Variants in ZNF618 observed in about 807,000 individuals in gnomAD.
ZNF618 encodes the protein zinc finger protein 618.
In ZNF618, 34 loss-of-function variants were observed where a neutral mutation model predicts 103.0. The observed-to-expected ratio is 0.33, with a 90% confidence interval of 0.25 to 0.44. The LOEUF (loss-of-function observed/expected upper bound fraction) is 0.44, where lower values mean the gene tolerates loss of function less well. Ranked by LOEUF, ZNF618 falls within the 20% of genes least tolerant of loss-of-function variation. The probability of loss-of-function intolerance (pLI) is 1.00; values close to 1 mark genes in which losing one functional copy is unlikely to be tolerated. For synonymous variants in ZNF618, 551 were observed against 542.2 expected (o/e 1.02, Z -0.23); for missense variants, 1,059 against 1,295.4 (o/e 0.82, Z 2.80).
Position 114,049,626 on chromosome 9 carries a change from C to T in ZNF618, c.2324C>T (p.Ala775Val), listed in dbSNP as rs1845971725. Residue 775 changes from alanine to valine, a missense_variant, in exon 15 of 15, where the codon GCC becomes GTC. By Grantham distance (64) the Ala-to-Val change is moderately conservative. Around this residue, in one of 6 missense-constraint regions of ZNF618, gnomAD observed 272 missense variants for 380.1 expected, o/e 0.72. Transcript: ENST00000374126. Reference sequence around the variant, plus strand: ...CTGGAGAAGCTGTTCACGGCCAAGGCCAACGACGCAGGCACTGTCAGCAAG... The same window carrying T: ...CTGGAGAAGCTGTTCACGGCCAAGGTCAACGACGCAGGCACTGTCAGCAAG... Reference protein sequence around the residue: ...VRLEKLFTAKANDAGTVSKLC... With the variant: ...VRLEKLFTAKVNDAGTVSKLC... 6.2e-6 allele frequency: 10 copies of T among 1,613,860 alleles called. No homozygotes were observed. The highest frequency in any genetic ancestry group is 8.5e-6 in the Non-Finnish European group (10 of 1,179,906).
intron 1 of ZNF618, among the ~76,000 whole-genome samples, chr9:113,916,458 C>G (rs1832089173): frequency 6.6e-6 from 1 of 152,144 alleles, no homozygotes; most frequent in South Asian, 2.1e-4. Flanking sequence ...ATAAGCTTCT[C>G]TTGCAGTTAG....
At chr9:113,928,312 T>C (rs1356294316) in intron 1 of ZNF618, among the ~76,000 whole-genome samples, 1 of 152,222 alleles carries the variant, frequency 6.6e-6, no homozygotes, top group Non-Finnish European at 1.5e-5. Flanking sequence ...CCATCTGTTT[T>C]TGGATGTTGT....
chr9:113,985,144 C>A (rs1839345895), intron 2 of ZNF618, among the ~76,000 whole-genome samples: 1 of 152,218 alleles, frequency 6.6e-6, no homozygotes, highest in South Asian at 2.1e-4. Context: ...GGGGTAGGTA[C>A]CGTGTTTGTC....
intron 1 of ZNF618, among the ~76,000 whole-genome samples, chr9:113,925,062 AT>A (rs1832967320): frequency 6.6e-6 from 1 of 151,998 alleles, no homozygotes; most frequent in South Asian, 2.1e-4. Context: ...ATGTTGTTTA[AT>A]TTAACTAGAT....
In ZNF618 at chr9:113,934,790, G is replaced by A. The variant is rs115533313; in HGVS notation, c.34-34327G>A. On this transcript the variant is annotated intron_variant, in intron 1 of 14. Transcript: ENST00000374126. Reference sequence around the variant, plus strand: ...GAACTCTGTGTGACTCGAGGCAGACGTGTGGAGTCAGGGAAGGCCTTGGGC... The same window carrying A: ...GAACTCTGTGTGACTCGAGGCAGACATGTGGAGTCAGGGAAGGCCTTGGGC... Among the ~76,000 whole-genome samples, 487 of 152,358 alleles carry A rather than the reference G, an allele frequency of 3.2e-3. 2 individuals carry two copies. The highest frequency in any genetic ancestry group is 5.8e-3 in the Non-Finnish European group (394 of 68,028).
intron 11 of ZNF618, among the ~76,000 whole-genome samples, chr9:114,029,391 G>T (rs1450720136): frequency 6.6e-6 from 1 of 152,128 alleles, no homozygotes; most frequent in Non-Finnish European, 1.5e-5. Context: ...TGGCAGTCCT[G>T]GACCCACTTT....
At chr9:114,018,464 C>T (rs984407469) in intron 10 of ZNF618, among the ~76,000 whole-genome samples, 1 of 152,250 alleles carries the variant, frequency 6.6e-6, no homozygotes, top group Admixed American at 6.5e-5. Flanking sequence ...GCTACAAGGC[C>T]AGACTATAAC....
intron 1 of ZNF618, among the ~76,000 whole-genome samples, chr9:113,953,014 A>C (rs146369069): frequency 6.6e-6 from 1 of 152,236 alleles, no homozygotes; most frequent in Admixed American, 6.5e-5. Flanking sequence ...ATCTTAATAC[A>C]TACTAGCAGT....
intron 4 of ZNF618, among the ~76,000 whole-genome samples, chr9:113,999,935 G>A (rs1411026070): frequency 2.0e-5 from 3 of 152,182 alleles, no homozygotes; most frequent in Non-Finnish European, 4.4e-5. Flanking sequence ...GAAGAGAGTT[G>A]GAGGCATTAT....
intron 11 of ZNF618, among the ~76,000 whole-genome samples, chr9:114,031,039 C>T (rs975646551): frequency 6.6e-6 from 1 of 152,144 alleles, no homozygotes; most frequent in Non-Finnish European, 1.5e-5. Context: ...CTGATTCTGC[C>T]GTCTTGGAGG....
chr9:113,943,854 C>G (rs1249005613), intron 1 of ZNF618, among the ~76,000 whole-genome samples: 1 of 152,134 alleles, frequency 6.6e-6, no homozygotes, highest in African/African-American at 2.4e-5. Flanking sequence ...GCTTGGACTT[C>G]AGTGTTGAAA....
chr9:113,932,459 G>C (rs1246644738), intron 1 of ZNF618, among the ~76,000 whole-genome samples: 1 of 152,144 alleles, frequency 6.6e-6, no homozygotes, highest in Non-Finnish European at 1.5e-5. Context: ...CATTTTAAGA[G>C]GATCCCCTGG....
intron 1 of ZNF618, among the ~76,000 whole-genome samples, chr9:113,947,648 C>G (rs1422129633): frequency 6.6e-6 from 1 of 152,136 alleles, no homozygotes; most frequent in South Asian, 2.1e-4. Flanking sequence ...CAGAGTCAGG[C>G]CTTCGGGAGA....
intron 1 of ZNF618, among the ~76,000 whole-genome samples, chr9:113,880,705 C>A (rs938135509): frequency 1.3e-5 from 2 of 152,128 alleles, no homozygotes; most frequent in Non-Finnish European, 2.9e-5. Context: ...CAGAGGCATA[C>A]CACAGGGTAC....
intron 1 of ZNF618, among the ~76,000 whole-genome samples, chr9:113,951,471 G>GTATA (rs371458305): frequency 3.3e-4 from 9 of 27,156 alleles, no homozygotes; most frequent in Admixed American, 9.6e-4. Flanking sequence ...ATATATGTGT[G>GTATA]TATGTGTACA....
chr9:114,015,109 C>T (rs534577477), intron 9 of ZNF618, among the ~76,000 whole-genome samples: 6 of 151,518 alleles, frequency 4.0e-5, no homozygotes, highest in Admixed American at 2.0e-4. Context: ...TGAATCCTAC[C>T]GAGAGCAAGT....
In ZNF618 at chr9:113,908,375, T is replaced by C. The variant is rs115557936; in HGVS notation, c.33+31962T>C. On this transcript the variant is annotated intron_variant, in intron 1 of 14. Coordinates refer to ENST00000374126, the MANE Select transcript of ZNF618 (RefSeq NM_001318042.2). ...AAATGGAGGAGGGAGGACCATATTA[T>C]GACTTTTGTGGGCCTTAGGCACTTT... is the stretch of plus-strand genomic sequence containing the variant. Among the ~76,000 whole-genome samples the C allele has an allele frequency of 5.4e-3, 817 of 152,358 alleles. 9 individuals carry two copies. The highest frequency in any genetic ancestry group is 0.019 in the African/African-American group (780 of 41,588).
At chr9:114,002,491 G>C (rs1564282734) in intron 5 of ZNF618, 133 bp from the exon 6 acceptor site, 2 of 934,256 alleles carry the variant, frequency 2.1e-6, no homozygotes, top group African/African-American at 3.3e-5. Flanking sequence ...AGGGAGGAGA[G>C]GCTGGCATCA....
rs1444530726 is a variant in ZNF618 at position 114,055,741 on chromosome 9, A to G, written c.*5574A>G. ...AAAAAATACAAAAAAAATTTACAAA[A>G]AAACAAACACAAAAAAAATATCTTT... is the stretch of plus-strand genomic sequence containing the variant. On this transcript the variant is annotated 3_prime_UTR_variant, in exon 15 of 15. Transcript: ENST00000374126. 6.6e-6 allele frequency: 1 copy of G among 152,482 alleles called. No individual in the cohort carries two copies. Among genetic ancestry groups the G allele is most frequent in the African/African-American group, 2.4e-5 (1 of 41,440 alleles). 9.4% of individuals were successfully genotyped at this position (152,482 alleles called of 1,614,324 possible).
Sources: allele counts gnomAD v4.1 joint callset (sites outside exome capture counted in the v4.1 genomes callset), GRCh38; gene constraint gnomAD v4.1.1; regional missense constraint gnomAD v4.1.1; transcripts MANE v1.5; gene names NCBI Gene and HGNC (gene_info 2026-07-23, HGNC 2026-07-21).